GPR20: variants seen among roughly 807,000 people sequenced by gnomAD.
GPR20 encodes G protein-coupled receptor 20.
For missense variants in GPR20, 494 were observed against 527.4 expected, an observed-to-expected ratio of 0.94 and a Z score of 0.62; for synonymous variants, 241 against 241.9, an observed-to-expected ratio of 1.00 and a Z score of 0.04.
At chr8:141,361,068 A>G (rs1831728248) in intron 1 of GPR20, among the ~76,000 whole-genome samples, 1 of 152,198 alleles carries the variant, frequency 6.6e-6, no homozygotes, top group Non-Finnish European at 1.5e-5. Context: ...TCTGTCTGAG[A>G]CAGCAGACTC....
At chr8:141,359,111 A>AC (rs1831696043) in intron 1 of GPR20, among the ~76,000 whole-genome samples, 1 of 151,938 alleles carries the variant, frequency 6.6e-6, no homozygotes, top group African/African-American at 2.4e-5. Flanking sequence ...CTTTGGGGCC[A>AC]GCAGGGTGGG....
Position 141,357,096 on chromosome 8 carries a change from G to A in GPR20, c.828C>T (p.Leu276=), listed in dbSNP as rs755659366. Residue 276 remains leucine, a synonymous_variant, in exon 2 of 2, where the codon CTC becomes CTT. Transcript: ENST00000377741. ...LWPDMPHHTS[L]VVYHVAVTLS... ...GGGTCACGGCCACGTGGTAGACCAC[G>A]AGGCTCGTGTGGTGTGGCATGTCGG... The A allele has an allele frequency of 3.9e-5, 63 of 1,612,348 alleles. No homozygotes were observed. The highest frequency in any genetic ancestry group is 4.7e-5 in the Non-Finnish European group (55 of 1,179,926).
intron 1 of GPR20, among the ~76,000 whole-genome samples, chr8:141,363,635 C>T (rs887392851): frequency 2.6e-5 from 4 of 152,264 alleles, no homozygotes; most frequent in African/African-American, 9.6e-5. Context: ...GGTGCTGGCA[C>T]CTGCCCAGAG....
rs1374155172 is a variant in GPR20, at chr8:141,356,842, G to C, written c.*5C>G. The stretch of plus-strand genomic sequence containing the variant: ...GACCTTCGGCCCCTGGCAGAGCCCT[G>C]CTGACTAAGCCTCGGGCCCATTAGC... On this transcript the variant is annotated 3_prime_UTR_variant, in exon 2 of 2. Coordinates refer to ENST00000377741, the MANE Select transcript of GPR20 (RefSeq NM_005293.3). 6.3e-7 allele frequency: 1 copy of C among 1,575,290 alleles called. No individual in the cohort carries two copies. Among genetic ancestry groups the C allele is most frequent in the East Asian group, 2.3e-5 (1 of 44,280 alleles).
chr8:141,360,282 C>T (rs1831713745), intron 1 of GPR20, among the ~76,000 whole-genome samples: 1 of 152,266 alleles, frequency 6.6e-6, no homozygotes, highest in African/African-American at 2.4e-5. Flanking sequence ...TGGTCACACA[C>T]TGAGCCATGA....
chr8:141,359,423 C>T (rs1039554280), intron 1 of GPR20, among the ~76,000 whole-genome samples: 2 of 152,218 alleles, frequency 1.3e-5, no homozygotes, highest in Non-Finnish European at 2.9e-5. Context: ...GGTCACCCAG[C>T]ATGCCCTCTG....
chr8:141,358,838 G>T (rs920747353), intron 1 of GPR20, among the ~76,000 whole-genome samples: 3 of 152,202 alleles, frequency 2.0e-5, no homozygotes, highest in Non-Finnish European at 2.9e-5. Flanking sequence ...TGGCTGGTTG[G>T]GGCTGAAGCC....
chr8:141,363,049 G>C (rs7841697), intron 1 of GPR20, among the ~76,000 whole-genome samples: 3 of 152,008 alleles, frequency 2.0e-5, no homozygotes, highest in Admixed American at 6.6e-5. Flanking sequence ...TACTGCGCCC[G>C]GCCCCATCAC....
chr8:141,361,185 T>C (rs944778352), intron 1 of GPR20, among the ~76,000 whole-genome samples: 5 of 152,196 alleles, frequency 3.3e-5, no homozygotes, highest in Non-Finnish European at 5.9e-5. Context: ...GTGCCAGGGC[T>C]GGGAGGTTTC....
intron 1 of GPR20, among the ~76,000 whole-genome samples, chr8:141,360,280 C>T (rs541101644): frequency 6.6e-6 from 1 of 152,360 alleles, no homozygotes; most frequent in East Asian, 1.9e-4. Context: ...CTTGGTCACA[C>T]ACTGAGCCAT....
rs770891638 is a variant in GPR20 at position 141,357,212 on chromosome 8, G to A, written c.712C>T (p.Arg238Trp). ...ACCGTGAGCAGGAGCTGCATGGCCCGCACGCGGCGCTGGCGACCCTGGTGG... is the reference window on the plus strand; with the variant it reads ...ACCGTGAGCAGGAGCTGCATGGCCCACACGCGGCGCTGGCGACCCTGGTGG... The part of the protein sequence containing the change: ...LLHQGRQRRV[R>W]AMQLLLTVLI... The change falls in exon 2 of 2, where the codon CGG (arginine) becomes TGG (tryptophan). Residue 238 changes from arginine (R) to tryptophan (W), a missense_variant. Arg to Trp is a moderately radical substitution (Grantham distance 101). Transcript: ENST00000377741. 11 of 1,568,586 alleles carry A rather than the reference G, an allele frequency of 7.0e-6. No homozygotes were observed. The highest frequency in any genetic ancestry group is 1.7e-4 in the Middle Eastern group (1 of 6,046).
At chr8:141,363,442 C>T (rs983195192) in intron 1 of GPR20, among the ~76,000 whole-genome samples, 42 of 152,256 alleles carry the variant, frequency 2.8e-4, no homozygotes, top group African/African-American at 9.9e-4. Context: ...GAGCGAGCAT[C>T]GAGCATGGAA....
chr8:141,360,771 C>T (rs1831722435), intron 1 of GPR20, among the ~76,000 whole-genome samples: 2 of 152,154 alleles, frequency 1.3e-5, no homozygotes, highest in South Asian at 4.1e-4. Flanking sequence ...TGAGCAGTCA[C>T]CAGCACAGAG....
chr8:141,362,127 G>A (rs1330207736), intron 1 of GPR20, among the ~76,000 whole-genome samples: 2 of 152,178 alleles, frequency 1.3e-5, no homozygotes, highest in African/African-American at 4.8e-5. Context: ...TTCTGCAGGC[G>A]AAACTACTAG....
In GPR20 at chr8:141,357,140, C is replaced by T; in HGVS notation, c.784G>A (p.Val262Met). Residue 262 changes from valine to methionine, a missense_variant, in exon 2 of 2, where the codon GTG becomes ATG. Coordinates refer to ENST00000377741, the MANE Select transcript of GPR20 (RefSeq NM_005293.3). ...ATGTCGGGCCACAGCGCCACGGCCA[C>T]TTGGCGGGCGTGGAAGGGCGTGAAG... Reference protein sequence around the residue: ...VCFTPFHARQVAVALWPDMPH... With the variant: ...VCFTPFHARQMAVALWPDMPH... 6.2e-7 allele frequency: 1 copy of T among 1,610,860 alleles called. No individual in the cohort carries two copies. Among genetic ancestry groups the T allele is most frequent in the Non-Finnish European group, 8.5e-7 (1 of 1,179,866 alleles).
intron 1 of GPR20, among the ~76,000 whole-genome samples, chr8:141,358,887 G>A (rs938979546): frequency 3.9e-5 from 6 of 151,984 alleles, no homozygotes; most frequent in East Asian, 1.9e-4. Context: ...CCGAGCTCCC[G>A]TCTGGCCTGG....
Position 141,357,215 on chromosome 8 carries a change from C to CGCGGCGCTG in GPR20, c.700_708dup (p.Gln234_Arg236dup). ...GTGAGCAGGAGCTGCATGGCCCGCA[C>CGCGGCGCTG]GCGGCGCTGGCGACCCTGGTGGAGC... On this transcript the variant is annotated inframe_insertion, in exon 2 of 2. Coordinates refer to ENST00000377741, the MANE Select transcript of GPR20 (RefSeq NM_005293.3). 1 of 1,567,658 alleles carries CGCGGCGCTG rather than the reference C, an allele frequency of 6.4e-7. No individual in the cohort carries two copies. The highest frequency in any genetic ancestry group is 8.6e-7 in the Non-Finnish European group (1 of 1,159,900).
intron 1 of GPR20, among the ~76,000 whole-genome samples, chr8:141,366,152 T>C (rs1356144437): frequency 6.6e-6 from 1 of 152,198 alleles, no homozygotes; most frequent in Non-Finnish European, 1.5e-5. Context: ...CCAAACTGCA[T>C]GGCCCCCACG....
At chr8:141,366,419 C>T (rs547321127) in intron 1 of GPR20, among the ~76,000 whole-genome samples, 14 of 152,328 alleles carry the variant, frequency 9.2e-5, no homozygotes, top group Admixed American at 2.6e-4. Flanking sequence ...ACGTCTGCCC[C>T]GCCAGCACCC....
Sources: gnomAD v4.1 joint callset for allele counts (sites outside exome capture counted in the v4.1 genomes callset) on GRCh38, gnomAD v4.1.1 for gene constraint, MANE v1.5 for transcripts, NCBI Gene and HGNC (gene_info 2026-07-23, HGNC 2026-07-21) for gene names.